Variants in THSD4 observed in about 807,000 individuals in gnomAD.
THSD4 encodes the protein thrombospondin type 1 domain containing 4.
Under a neutral mutation model 119.0 loss-of-function variants are expected in THSD4, and 69 were observed. The observed-to-expected ratio is 0.58, with a 90% confidence interval of 0.48 to 0.71. The LOEUF is 0.71. THSD4 is among the 30% of genes least tolerant of loss of function. The probability of loss-of-function intolerance (pLI) is 0.00; values close to 1 mark genes in which losing one functional copy is unlikely to be tolerated. For synonymous variants in THSD4, 524 were observed against 540.4 expected (o/e 0.97, Z 0.42); for missense variants, 1,393 against 1,391.1 (o/e 1.00, Z -0.02).
At chr15:71,119,505 G>T (rs1306991092) in intron 1 of THSD4, among the ~76,000 whole-genome samples, 2 of 152,328 alleles carry the variant, frequency 1.3e-5, no homozygotes, top group Non-Finnish European at 2.9e-5. Flanking sequence ...TCTAAGGAGT[G>T]AGCAATGGAG....
chr15:71,208,081 T>C (rs2043859823), intron 3 of THSD4, among the ~76,000 whole-genome samples: 1 of 152,162 alleles, frequency 6.6e-6, no homozygotes, highest in Non-Finnish European at 1.5e-5. Flanking sequence ...AGCCATTTGG[T>C]CTGCTGGTCA....
chr15:71,426,409 A>G (rs1033849348), intron 7 of THSD4, among the ~76,000 whole-genome samples: 1 of 131,452 alleles, frequency 7.6e-6, no homozygotes, highest in African/African-American at 3.2e-5. Context: ...GTGTGTGTTC[A>G]GGTGCTGAAT....
chr15:71,190,861 C>A (rs1224721404), intron 3 of THSD4, among the ~76,000 whole-genome samples: 2 of 152,146 alleles, frequency 1.3e-5, no homozygotes, highest in Non-Finnish European at 2.9e-5. Context: ...CGTTTTCACA[C>A]AGAGACTCCC....
chr15:71,249,918 A>G (rs2044243243), intron 5 of THSD4, among the ~76,000 whole-genome samples: 1 of 152,224 alleles, frequency 6.6e-6, no homozygotes, highest in African/African-American at 2.4e-5. Context: ...GATCTACACT[A>G]GCCACATTTT....
intron 15 of THSD4, among the ~76,000 whole-genome samples, chr15:71,762,184 T>C (rs1400649586): frequency 8.6e-6 from 1 of 116,494 alleles, no homozygotes. Context: ...CACACAGAGA[T>C]AGAGATACAC....
intron 6 of THSD4, among the ~76,000 whole-genome samples, chr15:71,270,837 T>G (rs945121501): frequency 5.5e-5 from 3 of 54,840 alleles, no homozygotes; most frequent in African/African-American, 1.8e-4. Flanking sequence ...CTCTCTTTTT[T>G]TTTTTTTTAA....
At chr15:71,407,912 C>A (rs531464937) in intron 6 of THSD4, among the ~76,000 whole-genome samples, 8 of 152,200 alleles carry the variant, frequency 5.3e-5, no homozygotes, top group African/African-American at 1.7e-4. Flanking sequence ...GCTGCCAGTC[C>A]CAGGACCACA....
At chr15:71,569,137 A>G (rs956543605) in intron 7 of THSD4, among the ~76,000 whole-genome samples, 16 of 152,214 alleles carry the variant, frequency 1.1e-4, no homozygotes, top group African/African-American at 3.9e-4. Flanking sequence ...TCAGAAATCT[A>G]AAGTTTTAGT....
intron 7 of THSD4, among the ~76,000 whole-genome samples, chr15:71,431,612 A>G (rs968355089): frequency 7.2e-5 from 11 of 152,176 alleles, no homozygotes; most frequent in Non-Finnish European, 1.6e-4. Flanking sequence ...GAAACCAAAA[A>G]ATGAGGCAGA....
At chr15:71,609,817 A>C (rs2050187055) in intron 7 of THSD4, among the ~76,000 whole-genome samples, 1 of 144,318 alleles carries the variant, frequency 6.9e-6, no homozygotes, top group South Asian at 2.2e-4. Context: ...ATGCCACTGC[A>C]CTCCAGCCTG....
chr15:71,459,324 ATCTCTCTC>A (rs377346569), intron 7 of THSD4, among the ~76,000 whole-genome samples: 10 of 101,204 alleles, frequency 9.9e-5, no homozygotes, highest in African/African-American at 3.7e-4. Flanking sequence ...ATGCCCAACT[ATCTCTCTC>A]TCTCTGTCTC....
chr15:71,370,527 A>G (rs1328699385), intron 6 of THSD4, among the ~76,000 whole-genome samples: 1 of 152,102 alleles, frequency 6.6e-6, no homozygotes, highest in Non-Finnish European at 1.5e-5. Context: ...TTCTGTCTTC[A>G]TTTCATTATG....
At chr15:71,326,504 C>T (rs568566959) in intron 6 of THSD4, among the ~76,000 whole-genome samples, 212 of 148,536 alleles carry the variant, frequency 1.4e-3, no homozygotes, top group African/African-American at 5.0e-3. Context: ...CGGTGAAACC[C>T]CGTCTCTACT....
In THSD4 at chr15:71,242,710, T is replaced by G; in HGVS notation, c.526T>G (p.Leu176Val). The G allele has an allele frequency of 6.2e-7, 1 of 1,614,164 alleles. No homozygotes were observed. Among genetic ancestry groups the G allele is most frequent in the African/African-American group, 1.3e-5 (1 of 75,038 alleles). The change falls in exon 5 of 18, where the codon TTA becomes GTA. Residue 176 changes from leucine (L) to valine (V), a missense_variant. By Grantham distance (32) the Leu-to-Val change is conservative. Transcript: ENST00000261862. ...TGGCTATGGTAAGGCCCCATATATC[T>G]TACCACTGCAGACAGACACTGCACA... ...KYGYGKAPYILPLQTDTAHTP... is the reference protein window; with the variant it reads ...KYGYGKAPYIVPLQTDTAHTP...
At chr15:71,612,186 G>A (rs1485701490) in intron 7 of THSD4, among the ~76,000 whole-genome samples, 1 of 152,160 alleles carries the variant, frequency 6.6e-6, no homozygotes, top group Admixed American at 6.5e-5. Flanking sequence ...CTTTGGAAAG[G>A]GGTCATGAAT....
At chr15:71,499,606 C>A (rs1364901114) in intron 7 of THSD4, among the ~76,000 whole-genome samples, 1 of 151,686 alleles carries the variant, frequency 6.6e-6, no homozygotes, top group African/African-American at 2.4e-5. Flanking sequence ...ATCTCTAGAA[C>A]TTTTTCATCT....
In THSD4 at chr15:71,432,570, T is replaced by G. The variant is rs539320704; in HGVS notation, c.1152+20747T>G. On this transcript the variant is annotated intron_variant, in intron 7 of 17. Coordinates refer to ENST00000261862, the MANE Select transcript of THSD4 (RefSeq NM_024817.3). ...TTTACTCAAAAAGTGAACAAAATCT[T>G]TTTTTGTCAATATTTGTAAATCTTG... Among the ~76,000 whole-genome samples, 1,352 of 152,006 alleles carry G rather than the reference T, an allele frequency of 8.9e-3. 14 individuals are homozygous for G. Among genetic ancestry groups the G allele is most frequent in the Middle Eastern group, 0.037 (11 of 294 alleles).
At chr15:71,295,114 G>A (rs769663931) in intron 6 of THSD4, among the ~76,000 whole-genome samples, 9 of 152,098 alleles carry the variant, frequency 5.9e-5, no homozygotes, top group Non-Finnish European at 1.2e-4. Context: ...GATTGGGCTG[G>A]ACATCTGTGG....
chr15:71,406,938 C>A (rs957961335), intron 6 of THSD4, among the ~76,000 whole-genome samples: 1 of 152,062 alleles, frequency 6.6e-6, no homozygotes, highest in African/African-American at 2.4e-5. Context: ...CCCACCTTGG[C>A]CTTCTAAAGT....
Sources: allele counts gnomAD v4.1 joint callset (sites outside exome capture counted in the v4.1 genomes callset), GRCh38; gene constraint gnomAD v4.1.1; transcripts MANE v1.5; gene names NCBI Gene and HGNC (gene_info 2026-07-23, HGNC 2026-07-21).